LAMP3: variants seen among roughly 807,000 people sequenced by gnomAD.
The protein encoded by LAMP3 is lysosome associated membrane protein 3.
A neutral mutation model predicts 34.8 loss-of-function variants in LAMP3; 26 were observed. The ratio of observed to expected loss-of-function variants is 0.75; its 90% CI spans 0.55 to 1.04. The LOEUF (loss-of-function observed/expected upper bound fraction) is 1.04, where lower values mean the gene tolerates loss of function less well. Ranked by LOEUF, LAMP3 falls within the 50% of genes least tolerant of loss-of-function variation. The probability of loss-of-function intolerance (pLI) is 0.00; values close to 1 mark genes in which losing one functional copy is unlikely to be tolerated. For synonymous variants in LAMP3, 180 were observed against 201.9 expected (o/e 0.89, Z 0.92); for missense variants, 495 against 524.0 (o/e 0.94, Z 0.54).
intron 3 of LAMP3, among the ~76,000 whole-genome samples, chr3:183,151,573 G>A (rs1010142571): frequency 6.6e-6 from 1 of 151,938 alleles, no homozygotes; most frequent in East Asian, 1.9e-4. Flanking sequence ...GATTACAGGC[G>A]CCCGCCACCA....
intron 3 of LAMP3, among the ~76,000 whole-genome samples, chr3:183,143,139 C>A (rs1008867051): frequency 6.6e-6 from 1 of 152,006 alleles, no homozygotes; most frequent in Non-Finnish European, 1.5e-5. Flanking sequence ...GTTGGGGTCT[C>A]CCTCTGTCGC....
intron 5 of LAMP3, among the ~76,000 whole-genome samples, chr3:183,127,815 T>C (rs1338434339): frequency 6.6e-6 from 1 of 152,188 alleles, no homozygotes; most frequent in African/African-American, 2.4e-5. Flanking sequence ...ATTTGATAAC[T>C]ATCATTCCTG....
At chr3:183,144,463 A>G (rs778892806) in intron 3 of LAMP3, among the ~76,000 whole-genome samples, 19 of 151,978 alleles carry the variant, frequency 1.3e-4, no homozygotes, top group Non-Finnish European at 2.5e-4. Context: ...GGAAGGGGGA[A>G]TTTCACAGGG....
intron 1 of LAMP3, among the ~76,000 whole-genome samples, chr3:183,156,170 G>A (rs1292290952): frequency 6.6e-6 from 1 of 152,176 alleles, no homozygotes; most frequent in Non-Finnish European, 1.5e-5. Context: ...GACCAGCCTG[G>A]CTAACATGGT....
intron 3 of LAMP3, among the ~76,000 whole-genome samples, chr3:183,151,717 C>T (rs189701860): frequency 4.0e-4 from 61 of 151,800 alleles, no homozygotes; most frequent in African/African-American, 8.7e-4. Flanking sequence ...TGTGAGCCAC[C>T]GCACCCAGCT....
chr3:183,160,171 C>T (rs1443234832), intron 1 of LAMP3, among the ~76,000 whole-genome samples: 2 of 152,232 alleles, frequency 1.3e-5, no homozygotes, highest in South Asian at 2.1e-4. Flanking sequence ...ACTTAACTGA[C>T]GTGAACTTAA....
rs200552375 is a variant in LAMP3, at chr3:183,150,086, C to T, written c.888+2289G>A. ...AAGCAGCTATTGCAACACTCGGGGC[C>T]ATGGGCTGAGAGTGGCTCACTTTGC... is the stretch of plus-strand genomic sequence containing the variant. On this transcript the variant is annotated intron_variant, in intron 3 of 5. Coordinates refer to ENST00000265598, the MANE Select transcript of LAMP3 (RefSeq NM_014398.4). 4.6e-5 allele frequency among the ~76,000 whole-genome samples: 7 copies of T among 152,252 alleles called. No individual in the cohort carries two copies. The East Asian group carries it at 1.4e-3, about 29-fold the overall frequency.
In LAMP3 at chr3:183,154,178, G is replaced by A. The variant is rs756379327; in HGVS notation, c.263C>T (p.Pro88Leu). Residue 88 changes from proline (P) to leucine (L), a missense_variant, in exon 2 of 6, where the codon CCA (proline) becomes CTA (leucine). Transcript: ENST00000265598. ...GGTTGCAGTGTTTTTTGTAGTCGCT[G>A]GGGTAGTTGTTGGAATTTTTACTGT... ...AATVKIPTTT[P>L]ATTKNTATTS... The A allele has an allele frequency of 1.2e-6, 2 of 1,613,898 alleles. No homozygotes were observed. The highest frequency in any genetic ancestry group is 1.7e-6 in the Non-Finnish European group (2 of 1,179,850).
intron 2 of LAMP3, 33 bp from the exon 3 acceptor site, chr3:183,152,536 A>T: frequency 6.4e-7 from 1 of 1,574,234 alleles, no homozygotes; most frequent in Non-Finnish European, 8.6e-7. Context: ...GCTAAATGAG[A>T]TGTAGAGGAA....
intron 5 of LAMP3, among the ~76,000 whole-genome samples, chr3:183,135,060 T>C (rs1017868852): frequency 6.6e-6 from 1 of 152,206 alleles, no homozygotes; most frequent in Non-Finnish European, 1.5e-5. Flanking sequence ...AAAGTCACCC[T>C]GGTCTGCTCT....
intron 2 of LAMP3, among the ~76,000 whole-genome samples, chr3:183,153,355 G>A (rs1720716192): frequency 6.6e-6 from 1 of 152,080 alleles, no homozygotes; most frequent in African/African-American, 2.4e-5. Flanking sequence ...AAGGATATGA[G>A]GCTTTTAAGT....
At chr3:183,134,531 T>C (rs183915929) in intron 5 of LAMP3, among the ~76,000 whole-genome samples, 38 of 152,348 alleles carry the variant, frequency 2.5e-4, no homozygotes, top group Admixed American at 6.5e-4. Flanking sequence ...CAAACCTTCA[T>C]AATGATTGTA....
At position 183,145,903 on chromosome 3, in the gene LAMP3, T is replaced by G. The variant is rs559910786; in HGVS notation, c.889-5308A>C. On this transcript the variant is annotated intron_variant, in intron 3 of 5. Coordinates refer to ENST00000265598, the MANE Select transcript of LAMP3 (RefSeq NM_014398.4). Reference sequence around the variant, plus strand: ...AACCCTACAGATTGAAAGCGGGAACTATAGCCTATATTTCTGTTATTTTTC... The same window carrying G: ...AACCCTACAGATTGAAAGCGGGAACGATAGCCTATATTTCTGTTATTTTTC... Among the ~76,000 whole-genome samples the G allele has an allele frequency of 1.2e-4, 18 of 152,214 alleles. 1 individual carries two copies. The highest frequency in any genetic ancestry group is 9.7e-4 in the East Asian group (5 of 5,176).
chr3:183,143,505 G>C (rs1469331391), intron 3 of LAMP3, among the ~76,000 whole-genome samples: 1 of 152,128 alleles, frequency 6.6e-6, no homozygotes, highest in Non-Finnish European at 1.5e-5. Flanking sequence ...GGGATATTTA[G>C]TTTTCTTAAG....
intron 5 of LAMP3, chr3:183,132,895 G>T (rs566369995): frequency 1.0e-6 from 1 of 985,450 alleles, no homozygotes; most frequent in East Asian, 1.1e-4. Flanking sequence ...GCAGTCCTGT[G>T]ATACTCAGGC....
chr3:183,130,364 T>G (rs1298374474), intron 5 of LAMP3, among the ~76,000 whole-genome samples: 1 of 152,046 alleles, frequency 6.6e-6, no homozygotes, highest in Admixed American at 6.6e-5. Context: ...TTCACTATGT[T>G]AGCTAGGATG....
intron 3 of LAMP3, among the ~76,000 whole-genome samples, chr3:183,146,887 G>C (rs1372247978): frequency 6.6e-6 from 1 of 151,728 alleles, no homozygotes; most frequent in Non-Finnish European, 1.5e-5. Flanking sequence ...GAAAGATCTA[G>C]ATTTCTGCCT....
intron 1 of LAMP3, among the ~76,000 whole-genome samples, chr3:183,158,860 C>A (rs149372027): frequency 3.5e-4 from 52 of 150,566 alleles, no homozygotes; most frequent in Admixed American, 2.7e-3. Context: ...GTAAACCACA[C>A]TTCTCAGTGT....
intron 1 of LAMP3, among the ~76,000 whole-genome samples, chr3:183,161,693 A>C (rs1235465191): frequency 6.6e-6 from 1 of 152,006 alleles, no homozygotes; most frequent in Non-Finnish European, 1.5e-5. Context: ...CTGGCCTGTC[A>C]ATACCATTGT....
Sources: allele counts gnomAD v4.1 joint callset (sites outside exome capture counted in the v4.1 genomes callset), GRCh38; gene constraint gnomAD v4.1.1; transcripts MANE v1.5; gene names NCBI Gene and HGNC (gene_info 2026-07-23, HGNC 2026-07-21).